The following NLN variants were observed in gnomAD, a reference collection of about 807,000 sequenced individuals.
NLN encodes the protein neurolysin, mitochondrial.
Under a neutral mutation model 79.9 loss-of-function variants are expected in NLN, and 64 were observed. The ratio of observed to expected loss-of-function variants is 0.80; its 90% confidence interval spans 0.65 to 0.99. The LOEUF is 0.99. Ranked by LOEUF, NLN falls within the 50% of genes least tolerant of loss-of-function variation. The probability of loss-of-function intolerance (pLI) is 0.00; values close to 1 mark genes in which losing one functional copy is unlikely to be tolerated. For missense variants in NLN, 835 were observed against 858.7 expected (o/e 0.97, Z 0.34); for synonymous variants, 267 against 296.6 (o/e 0.90, Z 1.02).
At chr5:65,738,310 G>GCACCCAGCTACTTTATA (rs1299534979) in intron 1 of NLN, among the ~76,000 whole-genome samples, 3 of 142,668 alleles carry the variant, frequency 2.1e-5, no homozygotes, top group Non-Finnish European at 4.8e-5. Flanking sequence ...AAGGCCAGGT[G>GCACCCAGCTACTTTATA]TGGTGCCTCA....
In NLN at chr5:65,730,697, C is replaced by T. The variant is rs540358692; in HGVS notation, c.41+8283C>T. ...TCAGCCTCCTGAGTAGCTGGGATTA[C>T]AGGCACCCGCCATCATGCCCAGCTA... is the stretch of plus-strand genomic sequence containing the variant. On this transcript the variant is annotated intron_variant, in intron 1 of 12. Coordinates refer to ENST00000380985, the MANE Select transcript of NLN (RefSeq NM_020726.5). 3.3e-5 allele frequency among the ~76,000 whole-genome samples: 5 copies of T among 152,216 alleles called. No homozygotes were observed. In the South Asian group the frequency reaches 1.0e-3, roughly 32 times the overall value.
chr5:65,788,987 A>T (rs1759997271), intron 8 of NLN, among the ~76,000 whole-genome samples: 1 of 150,086 alleles, frequency 6.7e-6, no homozygotes, highest in Non-Finnish European at 1.5e-5. Context: ...AAAAAAAATG[A>T]AAAATTAGCC....
At chr5:65,794,650 G>C (rs1201944550) in intron 9 of NLN, among the ~76,000 whole-genome samples, 1 of 152,110 alleles carries the variant, frequency 6.6e-6, no homozygotes, top group Non-Finnish European at 1.5e-5. Context: ...AGTGGGGTTA[G>C]TTTCTCGGTT....
intron 12 of NLN, among the ~76,000 whole-genome samples, chr5:65,822,240 C>A (rs1017693561): frequency 1.3e-5 from 2 of 152,252 alleles, no homozygotes; most frequent in Non-Finnish European, 2.9e-5. Flanking sequence ...CAGCATCGGA[C>A]CCACAAAAAT....
intron 9 of NLN, among the ~76,000 whole-genome samples, chr5:65,797,307 T>G (rs150130235): frequency 6.6e-5 from 10 of 152,342 alleles, no homozygotes; most frequent in African/African-American, 2.4e-4. Context: ...AGAATTACAC[T>G]AAAGCCTTCT....
At chr5:65,756,832 C>T (rs574955988) in intron 1 of NLN, among the ~76,000 whole-genome samples, 1 of 152,152 alleles carries the variant, frequency 6.6e-6, no homozygotes, top group South Asian at 2.1e-4. Context: ...ATTCCCAAGG[C>T]TCTTCATTTG....
intron 9 of NLN, among the ~76,000 whole-genome samples, chr5:65,799,493 C>G (rs897152382): frequency 6.6e-6 from 1 of 152,132 alleles, no homozygotes; most frequent in Non-Finnish European, 1.5e-5. Context: ...AGGGCTTCAT[C>G]CATTTCACAG....
At chr5:65,768,995 T>G (rs1450026809) in intron 3 of NLN, among the ~76,000 whole-genome samples, 1 of 152,260 alleles carries the variant, frequency 6.6e-6, no homozygotes, top group Non-Finnish European at 1.5e-5. Flanking sequence ...GTGGTTCATT[T>G]GTGTGGGTTA....
chr5:65,722,600 C>G (rs1758342420), intron 1 of NLN, among the ~76,000 whole-genome samples, 186 bp downstream of exon 1: 1 of 152,232 alleles, frequency 6.6e-6, no homozygotes. Context: ...GGCCACCTTT[C>G]CCGCCTCCGC....
chr5:65,781,366 G>C lies in NLN; in HGVS notation c.767G>C (p.Cys256Ser). The C allele has an allele frequency of 6.2e-7, 1 of 1,607,968 alleles. No individual in the cohort carries two copies. The highest frequency in any genetic ancestry group is 8.5e-7 in the Non-Finnish European group (1 of 1,174,466). The part of the protein sequence containing the change: ...PHYFPVMKKC[C>S]IPETRRRMEM... ...TATTTCCCTGTCATGAAGAAATGTT[G>C]TATCCCTGAAACCAGAAGAAGGATG... is the stretch of plus-strand genomic sequence containing the variant. The change falls in exon 6 of 13, where the codon TGT becomes TCT. Residue 256 changes from cysteine to serine, a missense_variant. By Grantham distance (112) the Cys-to-Ser change is moderately radical. Coordinates refer to ENST00000380985, the MANE Select transcript of NLN (RefSeq NM_020726.5).
intron 1 of NLN, among the ~76,000 whole-genome samples, chr5:65,725,089 G>C: frequency 6.6e-6 from 1 of 152,138 alleles, no homozygotes; most frequent in South Asian, 2.1e-4. Flanking sequence ...ACAGGCGTGA[G>C]CCACTGCGCC....
chr5:65,794,182 A>T (rs1760122950), intron 9 of NLN, among the ~76,000 whole-genome samples: 1 of 152,236 alleles, frequency 6.6e-6, no homozygotes, highest in Non-Finnish European at 1.5e-5. Context: ...AGGTCCTAGA[A>T]CAGTGCTGAC....
At chr5:65,816,995 T>C (rs1285369216) in intron 12 of NLN, among the ~76,000 whole-genome samples, 2 of 152,176 alleles carry the variant, frequency 1.3e-5, no homozygotes, top group African/African-American at 4.8e-5. Flanking sequence ...TGTCCAGGCC[T>C]TCCTTCTCTC....
At chr5:65,723,814 C>CAAAAAAAAAAAAAAAAAAAAA (rs760572199) in intron 1 of NLN, among the ~76,000 whole-genome samples, 2 of 55,324 alleles carry the variant, frequency 3.6e-5, no homozygotes, top group African/African-American at 1.3e-4. Flanking sequence ...GACTCCGTCT[C>CAAAAAAAAAAAAAAAAAAAAA]AAAAAAAAAA....
At position 65,827,055 on chromosome 5, in the gene NLN, G is replaced by C. The variant is rs532651987; in HGVS notation, c.*4140G>C. 2.6e-5 allele frequency: 4 copies of C among 151,748 alleles called. No homozygotes were observed. Among genetic ancestry groups the C allele is most frequent in the South Asian group, 4.2e-4 (2 of 4,808 alleles). 9.4% of individuals were successfully genotyped at this position (151,748 alleles called of 1,614,324 possible). A position where few individuals can be genotyped will look rare whatever the true frequency, so the allele number is the denominator to read the frequency against. On this transcript the variant is annotated 3_prime_UTR_variant, in exon 13 of 13. Transcript: ENST00000380985. ...CCACCTAAGTGATTATCTAGTATCA[G>C]CTGTATCAAGGCAAAAGGTAAAGGT...
rs2150782448 is a variant in NLN at position 65,827,092 on chromosome 5, A to G, written c.*4177A>G. On this transcript the variant is annotated 3_prime_UTR_variant, in exon 13 of 13. Transcript: ENST00000380985. ...CAAAAGGTAAAGGTTATAAGATGTAAATATTAGACCAAAATAGCCTTTTTT... is the reference window on the plus strand; with the variant it reads ...CAAAAGGTAAAGGTTATAAGATGTAGATATTAGACCAAAATAGCCTTTTTT... 6.6e-6 allele frequency: 1 copy of G among 151,988 alleles called. No homozygotes were observed. The highest frequency in any genetic ancestry group is 1.5e-5 in the Non-Finnish European group (1 of 67,994). 9.4% of individuals were successfully genotyped at this position (151,988 alleles called of 1,614,324 possible).
At chr5:65,816,141 A>C (rs1760666012) in intron 12 of NLN, among the ~76,000 whole-genome samples, 1 of 152,148 alleles carries the variant, frequency 6.6e-6, no homozygotes, top group South Asian at 2.1e-4. Context: ...CAGTGAGCCA[A>C]GATTGCACCA....
chr5:65,782,559 T>C (rs998321172), intron 6 of NLN, among the ~76,000 whole-genome samples: 1 of 152,228 alleles, frequency 6.6e-6, no homozygotes, highest in East Asian at 1.9e-4. Context: ...CCTCTGAACA[T>C]AGTGAGCTTG....
intron 6 of NLN, among the ~76,000 whole-genome samples, chr5:65,784,273 TAATAA>T (rs10560617): frequency 0.4 from 61,075 of 151,622 alleles, 13,019 homozygotes; most frequent in East Asian, 0.65. Context: ...GCTAAGAAAA[TAATAA>T]AATAATATCA....
Sources: gnomAD v4.1 joint callset for allele counts (sites outside exome capture counted in the v4.1 genomes callset) on GRCh38, gnomAD v4.1.1 for gene constraint, MANE v1.5 for transcripts, NCBI Gene and HGNC (gene_info 2026-07-23, HGNC 2026-07-21) for gene names.